The following TMEM72 variants were observed in gnomAD, a reference collection of about 807,000 sequenced individuals.
TMEM72 encodes the protein transmembrane protein 72, also known as kidney-specific secretory protein of 37 kDa.
Under a neutral mutation model 16.3 loss-of-function variants are expected in TMEM72, and 9 were observed. The observed-to-expected ratio is 0.55, with a 90% confidence interval of 0.33 to 0.96. The LOEUF is 0.96. Among genes scored for constraint, TMEM72 ranks in the 40% least tolerant of loss-of-function variants. The probability of loss-of-function intolerance (pLI) is 0.03; values close to 1 mark genes in which losing one functional copy is unlikely to be tolerated. For missense variants in TMEM72, 324 were observed against 337.8 expected (o/e 0.96, Z 0.32); for synonymous variants, 160 against 146.5 (o/e 1.09, Z -0.66).
intron 2 of TMEM72, among the ~76,000 whole-genome samples, chr10:44,929,467 C>T (rs914697): frequency 5.3e-5 from 8 of 152,250 alleles, no homozygotes; most frequent in Non-Finnish European, 1.2e-4. Flanking sequence ...CCACTCCCCC[C>T]CCTCCTCAGG....
rs1042400641 is a variant in TMEM72 at position 44,932,827 on chromosome 10, T to G, written c.209+758T>G. Reference sequence around the variant, plus strand: ...AGGCTGGGGAGGAATGGACCCTGGATGGACTCCACCGCACCCTGCCACCAC... The same window carrying G: ...AGGCTGGGGAGGAATGGACCCTGGAGGGACTCCACCGCACCCTGCCACCAC... On this transcript the variant is annotated intron_variant, in intron 3 of 4. Transcript: ENST00000389583. 5.3e-5 allele frequency among the ~76,000 whole-genome samples: 8 copies of G among 152,184 alleles called. 1 individual carries two copies. Among genetic ancestry groups the G allele is most frequent in the African/African-American group, 1.9e-4 (8 of 41,440 alleles).
At position 44,926,261 on chromosome 10, in the gene TMEM72, G is replaced by A. The variant is rs561828689; in HGVS notation, c.71-1660G>A. Among the ~76,000 whole-genome samples, 21 of 152,170 alleles carry A rather than the reference G, an allele frequency of 1.4e-4. No homozygotes were observed. The East Asian group carries it at 2.3e-3, about 17-fold the overall frequency. On this transcript the variant is annotated intron_variant, in intron 1 of 4. Coordinates refer to ENST00000389583, the MANE Select transcript of TMEM72 (RefSeq NM_001123376.3). ...CACACGTGTCCACACATGCACGCACGCAGGCTGGAAAGCAGTGGGTAGCAG... is the reference window on the plus strand; with the variant it reads ...CACACGTGTCCACACATGCACGCACACAGGCTGGAAAGCAGTGGGTAGCAG...
intron 1 of TMEM72, among the ~76,000 whole-genome samples, chr10:44,925,011 G>A (rs527529683): frequency 9.8e-5 from 15 of 152,330 alleles, no homozygotes; most frequent in East Asian, 3.9e-4. Context: ...GCACTAAGCC[G>A]TGCATTTCAG....
intron 2 of TMEM72, among the ~76,000 whole-genome samples, chr10:44,930,655 A>G (rs926871779): frequency 9.9e-5 from 15 of 152,196 alleles, no homozygotes; most frequent in African/African-American, 3.6e-4. Flanking sequence ...TTAGGCTCAC[A>G]CTGGGAGGCA....
intron 1 of TMEM72, among the ~76,000 whole-genome samples, chr10:44,926,097 TTACA>T (rs763325039): frequency 2.7e-5 from 4 of 150,370 alleles, no homozygotes; most frequent in Non-Finnish European, 4.4e-5. Context: ...ACACATGAAC[TTACA>T]TACACACCCA....
chr10:44,932,937 C>T (rs1457840373), intron 3 of TMEM72, among the ~76,000 whole-genome samples: 1 of 152,120 alleles, frequency 6.6e-6, no homozygotes, highest in Non-Finnish European at 1.5e-5. Context: ...CTTTGGGCCA[C>T]CTGGACAGCC....
chr10:44,930,000 G>A (rs536084818), intron 2 of TMEM72, among the ~76,000 whole-genome samples: 2 of 152,376 alleles, frequency 1.3e-5, no homozygotes, highest in South Asian at 4.1e-4. Flanking sequence ...TCCAGAAGCA[G>A]GCGGGCCTTC....
At chr10:44,930,903 A>G (rs577663574) in intron 2 of TMEM72, among the ~76,000 whole-genome samples, 208 of 152,352 alleles carry the variant, frequency 1.4e-3, no homozygotes, top group Middle Eastern at 3.4e-3. Flanking sequence ...CAATCTAGAA[A>G]CACCCATGGC....
At chr10:44,919,153 G>A (rs1441456077) in intron 1 of TMEM72, among the ~76,000 whole-genome samples, 1 of 152,118 alleles carries the variant, frequency 6.6e-6, no homozygotes, top group Non-Finnish European at 1.5e-5. Context: ...AGTAACAGAA[G>A]GAAACTCCCT....
At position 44,911,595 on chromosome 10, in the gene TMEM72, C is replaced by T; in HGVS notation, c.70+13C>T. On this transcript the variant is annotated intron_variant, in intron 1 of 4. Transcript: ENST00000389583. ...ACCACTGCTGCAGGTAAGACCCTGC[C>T]TCCTGGCTGCTGATCCTTGCACACT... 3.2e-6 allele frequency: 5 copies of T among 1,549,236 alleles called. No individual in the cohort carries two copies. Among genetic ancestry groups the T allele is most frequent in the Non-Finnish European group, 4.4e-6 (5 of 1,147,042 alleles).
intron 1 of TMEM72, among the ~76,000 whole-genome samples, chr10:44,927,619 G>A (rs147696635): frequency 2.6e-4 from 40 of 152,360 alleles, no homozygotes; most frequent in Admixed American, 6.5e-4. Flanking sequence ...GAACAGCTGT[G>A]AATCAAGGGG....
chr10:44,928,134 G>A, intron 2 of TMEM72, 147 bp downstream of exon 2: 3 of 835,310 alleles, frequency 3.6e-6, no homozygotes, highest in Non-Finnish European at 5.7e-6. Flanking sequence ...GGGGGCTCTA[G>A]AATAGCTCCT....
At chr10:44,917,372 T>G (rs1448200570) in intron 1 of TMEM72, among the ~76,000 whole-genome samples, 1 of 152,004 alleles carries the variant, frequency 6.6e-6, no homozygotes, top group Non-Finnish European at 1.5e-5. Context: ...AGAAGGAAGA[T>G]CCGAGGAAAG....
At position 44,935,650 on chromosome 10, in the gene TMEM72, G is replaced by A. The variant is rs1840388892; in HGVS notation, c.*516G>A. 1 of 152,954 alleles carries A rather than the reference G, an allele frequency of 6.5e-6. No individual in the cohort carries two copies. The highest frequency in any genetic ancestry group is 1.5e-5 in the Non-Finnish European group (1 of 68,596). 9.5% of individuals were successfully genotyped at this position (152,954 alleles called of 1,614,324 possible). On this transcript the variant is annotated 3_prime_UTR_variant, in exon 5 of 5. Coordinates refer to ENST00000389583, the MANE Select transcript of TMEM72 (RefSeq NM_001123376.3). ...CAACCAAGACTGCTCAGGGTCGGGA[G>A]GGGAGGCTGCAGGCCTCTGGTGGGA...
Position 44,934,765 on chromosome 10 carries a change from T to C in TMEM72, c.459T>C (p.Ser153=). 1 of 1,613,558 alleles carries C rather than the reference T, an allele frequency of 6.2e-7. No homozygotes were observed. The highest frequency in any genetic ancestry group is 8.5e-7 in the Non-Finnish European group (1 of 1,179,982). The stretch of plus-strand genomic sequence containing the variant: ...CCCCAGAGCAGTACACAGACCCCTC[T>C]AGCAGCGCTGTGAGCACCACCGGCT... ...LASPEQYTDP[S]SSAVSTTGSG... is the part of the protein sequence containing the mutation. The change falls in exon 5 of 5, where the codon TCT becomes TCC. Residue 153 remains serine, a synonymous_variant. Coordinates refer to ENST00000389583, the MANE Select transcript of TMEM72 (RefSeq NM_001123376.3).
chr10:44,933,369 T>A (rs1186852180), intron 3 of TMEM72, among the ~76,000 whole-genome samples: 1 of 152,254 alleles, frequency 6.6e-6, no homozygotes, highest in East Asian at 1.9e-4. Context: ...CACTAACTCA[T>A]GCAGCATCCT....
Position 44,936,575 on chromosome 10 carries a change from C to T in TMEM72, c.*1441C>T, listed in dbSNP as rs918939359. ...AAATGACAAATGGCTAATCAAGACA[C>T]TCCTGCAAGCCCTTGATGGTGAGAG... On this transcript the variant is annotated 3_prime_UTR_variant, in exon 5 of 5. Coordinates refer to ENST00000389583, the MANE Select transcript of TMEM72 (RefSeq NM_001123376.3). 2.6e-5 allele frequency: 4 copies of T among 152,230 alleles called. No individual in the cohort carries two copies. Among genetic ancestry groups the T allele is most frequent in the South Asian group, 2.1e-4 (1 of 4,826 alleles). 9.4% of individuals were successfully genotyped at this position (152,230 alleles called of 1,614,324 possible).
rs1017791463 is a variant in TMEM72 at position 44,933,644 on chromosome 10, C to T, written c.217C>T (p.Pro73Ser). The change falls in exon 4 of 5, where the codon CCA (proline) becomes TCA (serine). Residue 73 changes from proline to serine, a missense_variant. Transcript: ENST00000389583. ...TGGACTCCCTCTCCCCAGGTGTCAA[C>T]CAGGGTCCCTGGCAGACAGAGTAAG... ...QLLAICFQCQ[P>S]GSLADRVREK... The T allele has an allele frequency of 6.2e-7, 1 of 1,612,986 alleles. No individual in the cohort carries two copies. Among genetic ancestry groups the T allele is most frequent in the Non-Finnish European group, 8.5e-7 (1 of 1,179,234 alleles).
chr10:44,935,244 C>T lies in TMEM72; in HGVS notation c.*110C>T. On this transcript the variant is annotated 3_prime_UTR_variant, in exon 5 of 5. Coordinates refer to ENST00000389583, the MANE Select transcript of TMEM72 (RefSeq NM_001123376.3). Reference sequence around the variant, plus strand: ...CAGCTTTTCAAGGGGTAACCAGACACCCCCACACTGGCTGGGCCCCTGAGG... The same window carrying T: ...CAGCTTTTCAAGGGGTAACCAGACATCCCCACACTGGCTGGGCCCCTGAGG... 9.0e-7 allele frequency: 1 copy of T among 1,113,784 alleles called. No homozygotes were observed. Among genetic ancestry groups the T allele is most frequent in the Admixed American group, 2.9e-5 (1 of 34,568 alleles). The allele number at this position is 1,113,784 out of a possible 1,614,324, so 69.0% of individuals were successfully genotyped here. A position where few individuals can be genotyped will look rare whatever the true frequency, so the allele number is the denominator to read the frequency against.
Sources: allele counts gnomAD v4.1 joint callset (sites outside exome capture counted in the v4.1 genomes callset), GRCh38; gene constraint gnomAD v4.1.1; transcripts MANE v1.5; gene names NCBI Gene and HGNC (gene_info 2026-07-23, HGNC 2026-07-21).